The following SUN2 variants were observed in gnomAD, a reference collection of about 807,000 sequenced individuals.
SUN2 encodes SUN domain-containing protein 2.
A neutral mutation model predicts 100.0 loss-of-function variants in SUN2; 60 were observed. The observed-to-expected ratio is 0.60, with a 90% CI of 0.49 to 0.74. The LOEUF (loss-of-function observed/expected upper bound fraction) is 0.74, where lower values mean the gene tolerates loss of function less well. Ranked by LOEUF, SUN2 falls within the 30% of genes least tolerant of loss-of-function variation. The pLI is 0.00. For synonymous variants in SUN2, 367 were observed against 403.3 expected (o/e 0.91, Z 1.08); for missense variants, 834 against 954.6 (o/e 0.87, Z 1.66).
At chr22:38,754,623 C>G (rs755615875) in intron 1 of SUN2, 15 of 1,176,460 alleles carry the variant, frequency 1.3e-5, no homozygotes, top group Non-Finnish European at 1.7e-5. Context: ...CCTCCCTGCC[C>G]CGCCCGTACG....
rs747050950 is a variant in SUN2 at position 38,739,064 on chromosome 22, G to A, written c.1664-76C>T. 50 of 1,408,336 alleles carry A rather than the reference G, an allele frequency of 3.6e-5. No homozygotes were observed. The highest frequency in any genetic ancestry group is 4.8e-5 in the Non-Finnish European group (49 of 1,017,746). 87.2% of individuals were successfully genotyped at this position (1,408,336 alleles called of 1,614,324 possible). The stretch of plus-strand genomic sequence containing the variant: ...CGCTCAGGCCATTGGCTGTCTCCTC[G>A]CTGAAGGTGGACGGCAGATGCCCCA... On this transcript the variant is annotated intron_variant, in intron 14 of 17. Transcript: ENST00000689035. The surrounding 1 kb of genome is among the most constrained non-coding windows in gnomAD (Gnocchi z 6.7).
intron 3 of SUN2, 47 bp downstream of exon 3, chr22:38,751,163 G>A (rs780162195): frequency 1.2e-5 from 20 of 1,603,792 alleles, no homozygotes; most frequent in Admixed American, 1.2e-4. Flanking sequence ...AGTATCTCGC[G>A]GGAGGCCGAG....
At position 38,751,187 on chromosome 22, in the gene SUN2, G is replaced by A. The variant is rs148343324; in HGVS notation, c.286+23C>T. 7,771 of 1,605,260 alleles carry A rather than the reference G, an allele frequency of 4.8e-3. 31 individuals are homozygous for A. The highest frequency in any genetic ancestry group is 6.1e-3 in the Non-Finnish European group (7,146 of 1,173,054). On this transcript the variant is annotated intron_variant, in intron 3 of 17. Coordinates refer to ENST00000689035, the MANE Select transcript of SUN2 (RefSeq NM_015374.3). ...CGGGAGGCCGAGGAAGCAAAGCCCCGGGACGGAGGGCTCCACACTCACCCC... is the reference window on the plus strand; with the variant it reads ...CGGGAGGCCGAGGAAGCAAAGCCCCAGGACGGAGGGCTCCACACTCACCCC...
chr22:38,741,193 G>A, intron 10 of SUN2, 143 bp from the exon 11 acceptor site: 1 of 919,334 alleles, frequency 1.1e-6, no homozygotes, highest in Non-Finnish European at 1.7e-6. Context: ...AATCAAACTG[G>A]CCTCCTTGTC....
chr22:38,753,726 A>G (rs2092965554), intron 1 of SUN2, among the ~76,000 whole-genome samples: 1 of 152,144 alleles, frequency 6.6e-6, no homozygotes, highest in Non-Finnish European at 1.5e-5. Flanking sequence ...GAAGCAAGGT[A>G]GGTATCATTA....
intron 1 of SUN2, chr22:38,754,909 G>C (rs1428169328): frequency 7.8e-7 from 1 of 1,289,176 alleles, no homozygotes; most frequent in Non-Finnish European, 1.0e-6. Context: ...ATTGAGTCTG[G>C]GTTTCACAAG....
chr22:38,740,847 C>T lies in SUN2; in HGVS notation c.1190+160G>A. On this transcript the variant is annotated intron_variant, in intron 11 of 17. Transcript: ENST00000689035. This position sits in a 1 kb window ranked among gnomAD's most constrained non-coding sequence, Gnocchi z 4.8. ...CTCCATGGCACCTCAAAGACAGGCCCTGGGCAGGGGTCCTGAGCTGGGTTT... is the reference window on the plus strand; with the variant it reads ...CTCCATGGCACCTCAAAGACAGGCCTTGGGCAGGGGTCCTGAGCTGGGTTT... The T allele has an allele frequency of 1.3e-6, 1 of 773,066 alleles. No individual in the cohort carries two copies. Among genetic ancestry groups the T allele is most frequent in the African/African-American group, 1.7e-5 (1 of 58,236 alleles). 47.9% of individuals were successfully genotyped at this position (773,066 alleles called of 1,614,324 possible). A position where few individuals can be genotyped will look rare whatever the true frequency, so the allele number is the denominator to read the frequency against.
chr22:38,740,325 C>G lies in SUN2; in HGVS notation c.1298G>C (p.Ser433Thr). ...CAGGCCCACTTCTTCCGCCACCGAG[C>G]TCTGCTTCAGTGCCAGAGCCGCCAG... Reference protein sequence around the residue: ...QELAALALKQSSVAEEVGLLP... With the variant: ...QELAALALKQTSVAEEVGLLP... Residue 433 changes from serine (S) to threonine (T), a missense_variant, in exon 12 of 18, where the codon AGC becomes ACC. Physicochemically the swap from Ser to Thr is moderately conservative, Grantham distance 58. Transcript: ENST00000689035. This position sits in a 1 kb window ranked among gnomAD's most constrained non-coding sequence, Gnocchi z 4.8. 6.2e-7 allele frequency: 1 copy of G among 1,601,816 alleles called. No homozygotes were observed. The highest frequency in any genetic ancestry group is 2.3e-5 in the East Asian group (1 of 44,326).
chr22:38,750,626 A>T (rs2092938000), intron 4 of SUN2, among the ~76,000 whole-genome samples: 1 of 152,198 alleles, frequency 6.6e-6, no homozygotes, highest in African/African-American at 2.4e-5. Flanking sequence ...CCCCACAGGA[A>T]AGTGCTGGAA....
At position 38,734,941 on chromosome 22, in the gene SUN2, G is replaced by A. The variant is rs2092788804; in HGVS notation, c.*1326C>T. 7.4e-6 allele frequency: 2 copies of A among 271,906 alleles called. No individual in the cohort carries two copies. Among genetic ancestry groups the A allele is most frequent in the South Asian group, 3.3e-5 (1 of 30,210 alleles). 16.8% of individuals were successfully genotyped at this position (271,906 alleles called of 1,614,324 possible). A position where few individuals can be genotyped will look rare whatever the true frequency, so the allele number is the denominator to read the frequency against. ...TCAGTGCTGCAGTGAAGGCCTGCCCGCCTTCTTGCCCCTTCCCCGCAGCCA... is the reference window on the plus strand; with the variant it reads ...TCAGTGCTGCAGTGAAGGCCTGCCCACCTTCTTGCCCCTTCCCCGCAGCCA... On this transcript the variant is annotated 3_prime_UTR_variant, in exon 18 of 18. Transcript: ENST00000689035.
rs1386286743 is a variant in SUN2 at position 38,751,187 on chromosome 22, GGGAC to G, written c.286+19_286+22del. 6.2e-6 allele frequency: 10 copies of G among 1,605,148 alleles called. No individual in the cohort carries two copies. Among genetic ancestry groups the G allele is most frequent in the Non-Finnish European group, 8.5e-6 (10 of 1,173,068 alleles). On this transcript the variant is annotated intron_variant, in intron 3 of 17. Transcript: ENST00000689035. ...CGGGAGGCCGAGGAAGCAAAGCCCC[GGGAC>G]GGAGGGCTCCACACTCACCCCAGTT...
At position 38,740,535 on chromosome 22, in the gene SUN2, C is replaced by T. The variant is rs1362690360; in HGVS notation, c.1191-103G>A. The T allele has an allele frequency of 2.5e-5, 33 of 1,296,088 alleles. No homozygotes were observed. Among genetic ancestry groups the T allele is most frequent in the African/African-American group, 6.1e-5 (4 of 65,634 alleles). The allele number at this position is 1,296,088 out of a possible 1,614,324, so 80.3% of individuals were successfully genotyped here. On this transcript the variant is annotated intron_variant, in intron 11 of 17. Coordinates refer to ENST00000689035, the MANE Select transcript of SUN2 (RefSeq NM_015374.3). The surrounding 1 kb of genome is among the most constrained non-coding windows in gnomAD (Gnocchi z 4.8). The stretch of plus-strand genomic sequence containing the variant: ...CCCTAGTGGGCTCCCGTCAGGAGAG[C>T]GGGTGCCCAGCACTCATTGTGAACC...
chr22:38,735,316 A>G lies in SUN2; in HGVS notation c.*951T>C. On this transcript the variant is annotated 3_prime_UTR_variant, in exon 18 of 18. Coordinates refer to ENST00000689035, the MANE Select transcript of SUN2 (RefSeq NM_015374.3). Reference sequence around the variant, plus strand: ...GACCCCTACATCAGGGCCTGGTTAGATGTGGGGGCCGGTGCAGACAGACCT... The same window carrying G: ...GACCCCTACATCAGGGCCTGGTTAGGTGTGGGGGCCGGTGCAGACAGACCT... The G allele has an allele frequency of 2.2e-6, 1 of 444,592 alleles. No individual in the cohort carries two copies. Among genetic ancestry groups the G allele is most frequent in the Non-Finnish European group, 4.5e-6 (1 of 222,978 alleles). The allele number at this position is 444,592 out of a possible 1,614,324, so 27.5% of individuals were successfully genotyped here.
At chr22:38,746,861 C>G (rs1215068817) in intron 7 of SUN2, among the ~76,000 whole-genome samples, 1 of 151,620 alleles carries the variant, frequency 6.6e-6, no homozygotes, top group Non-Finnish European at 1.5e-5. Flanking sequence ...GACACCCCAT[C>G]TCTACTAAAA....
chr22:38,740,431 TG>T lies in SUN2; in HGVS notation c.1191del (p.Ser397ArgfsTer2). ...CTCTCCTGGAAGGACTCCTGGGTCA[TG>T]CTGGTCCCAGAGAGAGAAGAGTAAG... Reference protein sequence around the residue: ...RIQQLKSEWQSMTQESFQESS... With the variant: ...RIQQLKSEWQXMTQESFQESS... On this transcript the variant is annotated frameshift_variant and splice_region_variant, in exon 12 of 18. Coordinates refer to ENST00000689035, the MANE Select transcript of SUN2 (RefSeq NM_015374.3). LOFTEE classifies it high-confidence loss of function. The surrounding 1 kb of genome is among the most constrained non-coding windows in gnomAD (Gnocchi z 4.8). 1 of 1,508,948 alleles carries T rather than the reference TG, an allele frequency of 6.6e-7. No individual in the cohort carries two copies. The allele number at this position is 1,508,948 out of a possible 1,614,324, so 93.5% of individuals were successfully genotyped here.
At position 38,736,378 on chromosome 22, in the gene SUN2, G is replaced by T. The variant is rs751159582; in HGVS notation, c.2043C>A (p.Ala681=). 3.7e-6 allele frequency: 6 copies of T among 1,611,960 alleles called. No homozygotes were observed. The Admixed American group carries it at 1.0e-4, about 27-fold the overall frequency. ...CCACCTGGTACGTGGCCATCGTAGG[G>T]GCCTGGGTAGAGAAGAAAGGGATTA... ...GEPIQTFHFQ[A]PTMATYQVVE... Residue 681 remains alanine (A), a splice_region_variant and synonymous_variant, in exon 18 of 18, where the codon GCC becomes GCA. Coordinates refer to ENST00000689035, the MANE Select transcript of SUN2 (RefSeq NM_015374.3).
chr22:38,741,784 G>A (rs571847192), intron 9 of SUN2, among the ~76,000 whole-genome samples: 66 of 152,206 alleles, frequency 4.3e-4, no homozygotes, highest in Non-Finnish European at 8.1e-4. Flanking sequence ...TACTCGCACA[G>A]CTCACTATGG....
At chr22:38,752,382 G>A (rs960224999) in intron 2 of SUN2, 125 bp downstream of exon 2, 19 of 1,249,566 alleles carry the variant, frequency 1.5e-5, no homozygotes, top group Admixed American at 8.6e-5. Flanking sequence ...GGGGGCCCAC[G>A]TCCTTCGATT....
chr22:38,749,829 G>A lies in SUN2; in HGVS notation c.551C>T (p.Ala184Val). ...GRLFRLLYWW[A>V]GTTWYRLTTA... ...GGTCAGGCGGTACCAGGTGGTGCCA[G>A]CCCACCAGTAGAGAAGTCTGAAGAG... Residue 184 changes from alanine to valine, a missense_variant, in exon 6 of 18, where the codon GCT (alanine) becomes GTT (valine). Transcript: ENST00000689035. The A allele has an allele frequency of 6.2e-7, 1 of 1,613,960 alleles. No homozygotes were observed. Among genetic ancestry groups the A allele is most frequent in the Non-Finnish European group, 8.5e-7 (1 of 1,179,982 alleles).
Sources: gnomAD v4.1 joint callset for allele counts (sites outside exome capture counted in the v4.1 genomes callset) on GRCh38, gnomAD v4.1.1 for gene constraint, Gnocchi (gnomAD v3.1) non-coding constraint, MANE v1.5 for transcripts, NCBI Gene and HGNC (gene_info 2026-07-23, HGNC 2026-07-21) for gene names.